LRRTM4: variants seen among roughly 807,000 people sequenced by gnomAD.
LRRTM4 encodes the protein leucine-rich repeat transmembrane neuronal protein 4.
LRRTM4 carries 25 observed loss-of-function variants against 47.6 expected under a neutral mutation model. The observed-to-expected ratio is 0.53, with a 90% confidence interval of 0.38 to 0.73. LRRTM4 has a LOEUF of 0.73. Ranked by LOEUF, LRRTM4 falls within the 30% of genes least tolerant of loss-of-function variation. The pLI is 0.00. For synonymous variants in LRRTM4, 311 were observed against 269.5 expected (o/e 1.15, Z -1.51); for missense variants, 638 against 713.4 (o/e 0.89, Z 1.20).
At chr2:76,787,067 C>T (rs529317845) in intron 3 of LRRTM4, among the ~76,000 whole-genome samples, 2 of 151,918 alleles carry the variant, frequency 1.3e-5, no homozygotes, top group Admixed American at 1.3e-4. Flanking sequence ...AAAATTCCCA[C>T]TTTGTTATTA....
chr2:77,255,139 T>C (rs1456338002), intron 3 of LRRTM4, among the ~76,000 whole-genome samples: 4 of 151,926 alleles, frequency 2.6e-5, no homozygotes, highest in Non-Finnish European at 5.9e-5. Flanking sequence ...TGTATTAATA[T>C]AAAGTACACT....
At chr2:77,062,894 A>G (rs76691898) in intron 3 of LRRTM4, among the ~76,000 whole-genome samples, 2,099 of 151,972 alleles carry the variant, frequency 0.014, 52 homozygotes, top group African/African-American at 0.048. Flanking sequence ...GATTCAAACA[A>G]TATTCTAAGA....
At chr2:76,788,176 C>G (rs938688998) in intron 3 of LRRTM4, among the ~76,000 whole-genome samples, 6 of 151,982 alleles carry the variant, frequency 3.9e-5, no homozygotes, top group African/African-American at 1.2e-4. Context: ...ATAAATAGTT[C>G]CAGTAGAATG....
chr2:77,295,394 A>C (rs1470784089), intron 3 of LRRTM4, among the ~76,000 whole-genome samples: 1 of 152,078 alleles, frequency 6.6e-6, no homozygotes, highest in Non-Finnish European at 1.5e-5. Flanking sequence ...ACATTACTTA[A>C]AGATATAGAT....
intron 3 of LRRTM4, among the ~76,000 whole-genome samples, chr2:77,313,335 C>T (rs1479745617): frequency 2.0e-5 from 3 of 149,378 alleles, no homozygotes; most frequent in Non-Finnish European, 4.5e-5. Context: ...CCTACCTTTT[C>T]CTGGGACCTG....
intron 3 of LRRTM4, among the ~76,000 whole-genome samples, chr2:77,402,919 T>C (rs758011382): frequency 2.2e-4 from 33 of 152,064 alleles, no homozygotes; most frequent in African/African-American, 8.0e-4. Context: ...CTCTGCATTA[T>C]GGTGGTAGAT....
chr2:76,831,870 G>A (rs550492885), intron 3 of LRRTM4, among the ~76,000 whole-genome samples: 14 of 151,970 alleles, frequency 9.2e-5, no homozygotes, highest in Non-Finnish European at 1.3e-4. Context: ...TATATTTGAC[G>A]CAATGTAGTG....
chr2:77,394,883 C>T (rs1391883088), intron 3 of LRRTM4, among the ~76,000 whole-genome samples: 2 of 151,914 alleles, frequency 1.3e-5, no homozygotes. Context: ...AAATCCGTCT[C>T]TTGTCCCATC....
chr2:77,508,568 T>A (rs1031276404), intron 3 of LRRTM4, among the ~76,000 whole-genome samples: 9 of 152,158 alleles, frequency 5.9e-5, no homozygotes, highest in African/African-American at 2.2e-4. Context: ...TTTTTTGTCT[T>A]TATGGGGTTT....
intron 3 of LRRTM4, among the ~76,000 whole-genome samples, chr2:77,077,142 G>A (rs1034913508): frequency 3.9e-5 from 6 of 152,160 alleles, no homozygotes; most frequent in Non-Finnish European, 5.9e-5. Context: ...AAATTCTATA[G>A]AGGTAGAATA....
intron 3 of LRRTM4, among the ~76,000 whole-genome samples, chr2:76,914,630 A>G (rs1386744771): frequency 6.6e-6 from 1 of 152,166 alleles, no homozygotes; most frequent in Non-Finnish European, 1.5e-5. Flanking sequence ...GTGTAAATGC[A>G]TTCTTCCTCT....
At chr2:76,927,520 C>T (rs985862533) in intron 3 of LRRTM4, among the ~76,000 whole-genome samples, 4 of 152,162 alleles carry the variant, frequency 2.6e-5, no homozygotes, top group Admixed American at 6.6e-5. Context: ...TGTTGGTTCT[C>T]GGAGCTACTG....
intron 3 of LRRTM4, among the ~76,000 whole-genome samples, chr2:76,988,222 T>C (rs1369977618): frequency 2.0e-5 from 3 of 151,842 alleles, no homozygotes; most frequent in Non-Finnish European, 4.4e-5. Context: ...TTGATATTGA[T>C]AATTTTAACA....
intron 3 of LRRTM4, among the ~76,000 whole-genome samples, chr2:77,162,132 C>T (rs1417151443): frequency 5.9e-5 from 9 of 152,170 alleles, no homozygotes; most frequent in Non-Finnish European, 1.3e-4. Flanking sequence ...TAATACTGTG[C>T]TTTTCCAATG....
intron 3 of LRRTM4, among the ~76,000 whole-genome samples, chr2:76,953,476 G>GCA (rs148436036): frequency 1.3e-4 from 19 of 151,746 alleles, no homozygotes; most frequent in Non-Finnish European, 2.5e-4. Context: ...AAACACACGC[G>GCA]CACACACACA....
chr2:76,899,164 T>C (rs965118353), intron 3 of LRRTM4, among the ~76,000 whole-genome samples: 7 of 151,982 alleles, frequency 4.6e-5, no homozygotes, highest in African/African-American at 1.4e-4. Context: ...TGAGTATGCA[T>C]ATACCTCAAG....
chr2:77,138,091 C>A (rs1039497366), intron 3 of LRRTM4, among the ~76,000 whole-genome samples: 5 of 152,066 alleles, frequency 3.3e-5, no homozygotes, highest in Non-Finnish European at 7.4e-5. Context: ...ACAAGGATAT[C>A]CAGGAATTGA....
chr2:76,761,185 G>A (rs547483788), intron 3 of LRRTM4, among the ~76,000 whole-genome samples: 81 of 152,292 alleles, frequency 5.3e-4, no homozygotes, highest in African/African-American at 1.9e-3. Flanking sequence ...TATGCCTGCC[G>A]GGAGATTGCT....
At chr2:76,939,674 G>A (rs1309250501) in intron 3 of LRRTM4, among the ~76,000 whole-genome samples, 1 of 151,846 alleles carries the variant, frequency 6.6e-6, no homozygotes, top group East Asian at 1.9e-4. Flanking sequence ...ATTTTCATCT[G>A]ACCCCAAATT....
Sources: gnomAD v4.1 joint callset for allele counts (sites outside exome capture counted in the v4.1 genomes callset) on GRCh38, gnomAD v4.1.1 for gene constraint, MANE v1.5 for transcripts, NCBI Gene and HGNC (gene_info 2026-07-23, HGNC 2026-07-21) for gene names.